Variants in SF3A1 observed in about 807,000 individuals in gnomAD.
SF3A1 encodes the protein splicing factor 3a subunit 1.
Under a neutral mutation model 89.9 loss-of-function variants are expected in SF3A1, and 13 were observed. That is an observed-to-expected ratio of 0.14 (90% CI 0.09 to 0.23). The LOEUF (loss-of-function observed/expected upper bound fraction) is 0.23, where lower values mean the gene tolerates loss of function less well. SF3A1 is among the 10% of genes least tolerant of loss of function. The pLI is 1.00. For synonymous variants in SF3A1, 405 were observed against 374.4 expected, an observed-to-expected ratio of 1.08 and a Z score of -0.94; for missense variants, 604 against 1,022.1, an observed-to-expected ratio of 0.59 and a Z score of 5.58.
At chr22:30,354,365 T>C (rs1931694246) in intron 1 of SF3A1, among the ~76,000 whole-genome samples, 1 of 152,170 alleles carries the variant, frequency 6.6e-6, no homozygotes, top group African/African-American at 2.4e-5. Context: ...ACAGCCATTA[T>C]CTGGGCGTGA....
In SF3A1 at chr22:30,352,611, G is replaced by T. The variant is rs1160554123; in HGVS notation, c.185+340C>A. On this transcript the variant is annotated intron_variant, in intron 2 of 15. Coordinates refer to ENST00000215793, the MANE Select transcript of SF3A1 (RefSeq NM_005877.6). Reference sequence around the variant, plus strand: ...TTGGAATGTGGTCTTTGTACAATGAGAATAATAAACTCCCCTTTTTATCTT... The same window carrying T: ...TTGGAATGTGGTCTTTGTACAATGATAATAATAAACTCCCCTTTTTATCTT... The T allele has an allele frequency of 5.6e-5, 11 of 194,838 alleles. No homozygotes were observed. In the East Asian group the frequency reaches 1.3e-3, roughly 23 times the overall value. The allele number at this position is 194,838 out of a possible 1,614,324, so 12.1% of individuals were successfully genotyped here. A position where few individuals can be genotyped will look rare whatever the true frequency, so the allele number is the denominator to read the frequency against.
At chr22:30,335,592 G>C (rs1442153599) in intron 14 of SF3A1, 54 bp from the exon 15 acceptor site, 1 of 1,610,808 alleles carries the variant, frequency 6.2e-7, no homozygotes, top group Non-Finnish European at 8.5e-7. Context: ...GCTAGAGGAA[G>C]CTTTCCCCTG....
chr22:30,335,913 G>A (rs1931051894), intron 13 of SF3A1, among the ~76,000 whole-genome samples, 160 bp from the exon 14 acceptor site: 1 of 152,184 alleles, frequency 6.6e-6, no homozygotes. Flanking sequence ...GGTTGTACAA[G>A]TCACCCCCCT....
At chr22:30,347,653 C>T (rs902241711) in intron 2 of SF3A1, among the ~76,000 whole-genome samples, 1 of 152,190 alleles carries the variant, frequency 6.6e-6, no homozygotes, top group African/African-American at 2.4e-5. Flanking sequence ...TATACAACAC[C>T]TGTGTCAGTC....
chr22:30,345,647 G>A (rs1203171584), intron 3 of SF3A1, among the ~76,000 whole-genome samples: 3 of 152,200 alleles, frequency 2.0e-5, no homozygotes, highest in African/African-American at 7.2e-5. Context: ...AGAAACTGAG[G>A]TAGCCTGAGG....
intron 2 of SF3A1, among the ~76,000 whole-genome samples, chr22:30,349,426 G>A (rs972852644): frequency 1.2e-4 from 18 of 152,216 alleles, no homozygotes; most frequent in Admixed American, 2.6e-4. Context: ...GACTACAGGC[G>A]CCCGCCACCA....
chr22:30,336,789 CCA>C (rs1468433391), intron 13 of SF3A1, among the ~76,000 whole-genome samples: 4 of 152,186 alleles, frequency 2.6e-5, no homozygotes, highest in Non-Finnish European at 4.4e-5. Flanking sequence ...AGAGGGACCA[CCA>C]CAGTCACCAC....
Position 30,356,714 on chromosome 22 carries a change from G to A in SF3A1, c.63+16C>T, listed in dbSNP as rs113215395. ...CCAACCCTCCGGCTGCAGGCTGAGG[G>A]GCGGGGGAGAGGTACCTGTTTGGGC... is the stretch of plus-strand genomic sequence containing the variant. On this transcript the variant is annotated intron_variant, in intron 1 of 15. Coordinates refer to ENST00000215793, the MANE Select transcript of SF3A1 (RefSeq NM_005877.6). 1,502 of 1,482,706 alleles carry A rather than the reference G, an allele frequency of 1.0e-3. 9 individuals are homozygous for A. In the African/African-American group the frequency reaches 0.019, roughly 19 times the overall value. The allele number at this position is 1,482,706 out of a possible 1,614,324, so 91.8% of individuals were successfully genotyped here. A position where few individuals can be genotyped will look rare whatever the true frequency, so the allele number is the denominator to read the frequency against.
Position 30,345,226 on chromosome 22 carries a change from G to C in SF3A1, c.394-36C>G, listed in dbSNP as rs201198450. On this transcript the variant is annotated intron_variant, in intron 3 of 15. Coordinates refer to ENST00000215793, the MANE Select transcript of SF3A1 (RefSeq NM_005877.6). ...AAGGGAGTATGAGGCGAGAGGCACA[G>C]GGGTGAACAGGCTCCAGGGGAGGGG... The C allele has an allele frequency of 1.1e-3, 1,709 of 1,591,296 alleles. 6 individuals are homozygous for C. Among genetic ancestry groups the C allele is most frequent in the Non-Finnish European group, 1.4e-3 (1,592 of 1,165,490 alleles).
At chr22:30,342,978 G>T (rs1281663627) in intron 4 of SF3A1, 99 bp from the exon 5 acceptor site, 2 of 728,126 alleles carry the variant, frequency 2.7e-6, no homozygotes, top group Non-Finnish European at 4.7e-6. Flanking sequence ...AGATGAGGAA[G>T]CATGGGATTC....
In SF3A1 at chr22:30,332,055, G is replaced by A. The variant is rs566702020; in HGVS notation, c.*2539C>T. 4 of 152,184 alleles carry A rather than the reference G, an allele frequency of 2.6e-5. No homozygotes were observed. In the South Asian group the frequency reaches 8.3e-4, roughly 32 times the overall value. 9.4% of individuals were successfully genotyped at this position (152,184 alleles called of 1,614,324 possible). A position where few individuals can be genotyped will look rare whatever the true frequency, so the allele number is the denominator to read the frequency against. ...CTAAAAATCTTATACACTGGTATGT[G>A]TACCCATGAGTAGAGCTATATTATG... is the stretch of plus-strand genomic sequence containing the variant. On this transcript the variant is annotated 3_prime_UTR_variant, in exon 16 of 16. Coordinates refer to ENST00000215793, the MANE Select transcript of SF3A1 (RefSeq NM_005877.6).
At chr22:30,339,342 G>A in intron 9 of SF3A1, 91 bp from the exon 10 acceptor site, 3 of 1,531,338 alleles carry the variant, frequency 2.0e-6, no homozygotes, top group Non-Finnish European at 2.7e-6. Context: ...GTGCAGGGAG[G>A]AGGCTGGTTC....
At chr22:30,346,597 G>A (rs1352202638) in intron 2 of SF3A1, 78 bp from the exon 3 acceptor site, 12 of 1,523,526 alleles carry the variant, frequency 7.9e-6, no homozygotes, top group South Asian at 2.4e-5. Context: ...CCATTGGAAC[G>A]TCCTTCTTGC....
intron 2 of SF3A1, chr22:30,352,432 A>G: frequency 6.5e-6 from 1 of 153,770 alleles, no homozygotes; most frequent in African/African-American, 2.4e-5. Context: ...GTGAGGAGAG[A>G]CAGGAGGAAC....
intron 2 of SF3A1, among the ~76,000 whole-genome samples, chr22:30,346,993 T>C (rs75833491): frequency 6.6e-6 from 1 of 152,158 alleles, no homozygotes; most frequent in South Asian, 2.1e-4. Context: ...TTCAAAGGGG[T>C]AGCAAGTGCT....
chr22:30,334,837 T>C, intron 15 of SF3A1, 142 bp from the exon 16 acceptor site: 1 of 584,594 alleles, frequency 1.7e-6, no homozygotes, highest in Non-Finnish European at 3.0e-6. Flanking sequence ...TGTTGGGGAC[T>C]GGAGGCCTCT....
rs992988847 is a variant in SF3A1, at chr22:30,332,420, G to A, written c.*2174C>T. ...CAGGAGCACTTATTCCTATTTCATA[G>A]TGTGGTCTGGTGGAGCAGAGCAGTG... On this transcript the variant is annotated 3_prime_UTR_variant, in exon 16 of 16. Coordinates refer to ENST00000215793, the MANE Select transcript of SF3A1 (RefSeq NM_005877.6). 1 of 152,232 alleles carries A rather than the reference G, an allele frequency of 6.6e-6. No homozygotes were observed. The highest frequency in any genetic ancestry group is 2.4e-5 in the African/African-American group (1 of 41,442). The allele number at this position is 152,232 out of a possible 1,614,324, so 9.4% of individuals were successfully genotyped here.
chr22:30,334,825 G>A, intron 15 of SF3A1, 130 bp from the exon 16 acceptor site: 1 of 623,350 alleles, frequency 1.6e-6, no homozygotes, highest in Non-Finnish European at 2.8e-6. Context: ...GAGAAGGTAG[G>A]GTGTTGGGGA....
intron 15 of SF3A1, 150 bp downstream of exon 15, chr22:30,335,317 C>CCCAGCCAGCAT: frequency 1.4e-6 from 1 of 720,720 alleles, no homozygotes; most frequent in Admixed American, 2.2e-5. Context: ...CCCCAACACT[C>CCCAGCCAGCAT]CCAGCCAGCA....
Sources: allele counts gnomAD v4.1 joint callset (sites outside exome capture counted in the v4.1 genomes callset), GRCh38; gene constraint gnomAD v4.1.1; transcripts MANE v1.5; gene names NCBI Gene and HGNC (gene_info 2026-07-23, HGNC 2026-07-21).